Variants in ABI3BP observed in about 807,000 individuals in gnomAD.
ABI3BP encodes the protein ABI family member 3 binding protein.
ABI3BP carries 216 observed loss-of-function variants against 268.6 expected under a neutral mutation model. That is an observed-to-expected ratio of 0.80 (90% confidence interval 0.72 to 0.90). The LOEUF (loss-of-function observed/expected upper bound fraction) is 0.90. Ranked by LOEUF, ABI3BP falls within the 40% of genes least tolerant of loss-of-function variation. The pLI is 0.00. For missense variants in ABI3BP, 2,090 were observed against 2,182.4 expected, an observed-to-expected ratio of 0.96 and a Z score of 0.84; for synonymous variants, 730 against 730.0, an observed-to-expected ratio of 1.00 and a Z score of 0.00.
intron 4 of ABI3BP, among the ~76,000 whole-genome samples, chr3:100,895,893 C>T (rs1384432466): frequency 6.6e-6 from 1 of 152,130 alleles, no homozygotes; most frequent in Non-Finnish European, 1.5e-5. Context: ...ACAGTATTTC[C>T]AGGCTTTTAA....
Position 100,750,113 on chromosome 3 carries a change from A to AG in ABI3BP, c.*381dup, listed in dbSNP as rs1445548050. On this transcript the variant is annotated 3_prime_UTR_variant, in exon 68 of 68. Transcript: ENST00000471714. ...ATGGAATTAACTCATCAATAGGAAG[A>AG]GTACACATCAATAAAAGTAAATTTT... 1 of 227,176 alleles carries AG rather than the reference A, an allele frequency of 4.4e-6. No homozygotes were observed. Among genetic ancestry groups the AG allele is most frequent in the Non-Finnish European group, 8.4e-6 (1 of 118,592 alleles). The allele number at this position is 227,176 out of a possible 1,614,324, so 14.1% of individuals were successfully genotyped here.
rs144298303 is a variant in ABI3BP at position 100,839,086 on chromosome 3, C to T, written c.1945+483G>A. Among the ~76,000 whole-genome samples, 27 of 152,300 alleles carry T rather than the reference C, an allele frequency of 1.8e-4. No individual in the cohort carries two copies. The East Asian group carries it at 4.8e-3, about 27-fold the overall frequency. On this transcript the variant is annotated intron_variant, in intron 24 of 67. Transcript: ENST00000471714. Reference sequence around the variant, plus strand: ...GATCAAGAACGATCTTGGTTCCTCTCGCTATCCATACCTATTCAAAAACAT... The same window carrying T: ...GATCAAGAACGATCTTGGTTCCTCTTGCTATCCATACCTATTCAAAAACAT...
rs1366521136 is a variant in ABI3BP at position 100,834,789 on chromosome 3, T to C, written c.2192-16A>G. ...GTTTTTGGAGCTAAAGAAAGGAAAC[T>C]GGTTATTGTAGTCATATGACTCCAG... On this transcript the variant is annotated splice_polypyrimidine_tract_variant and intron_variant, in intron 28 of 67. Transcript: ENST00000471714. 3 of 1,534,858 alleles carry C rather than the reference T, an allele frequency of 2.0e-6. No homozygotes were observed. The highest frequency in any genetic ancestry group is 2.6e-6 in the Non-Finnish European group (3 of 1,145,858).
At chr3:100,839,705 T>C in intron 23 of ABI3BP, 89 bp from the exon 24 acceptor site, 1 of 1,319,206 alleles carries the variant, frequency 7.6e-7, no homozygotes, top group Non-Finnish European at 1.1e-6. Context: ...GGACACTACC[T>C]AAATGATGCA....
At chr3:100,837,015 G>T in intron 27 of ABI3BP, 109 bp downstream of exon 27, 1 of 1,128,084 alleles carries the variant, frequency 8.9e-7, no homozygotes, top group South Asian at 1.7e-5. Context: ...TTTTAAAAAT[G>T]AAAACAAAAA....
chr3:100,865,456 G>GCC (rs1176120935), intron 10 of ABI3BP, among the ~76,000 whole-genome samples: 1 of 152,142 alleles, frequency 6.6e-6, no homozygotes, highest in Non-Finnish European at 1.5e-5. Context: ...TAAATGCTCA[G>GCC]CCACAGATTT....
In ABI3BP at chr3:100,837,392, T is replaced by G. The variant is rs138970150; in HGVS notation, c.2084-221A>C. On this transcript the variant is annotated intron_variant, in intron 26 of 67. Coordinates refer to ENST00000471714, the MANE Select transcript of ABI3BP (RefSeq NM_001375547.2). ...GGAGAAAATTTCAACTGCAAAACAG[T>G]TGGATTCTGAGAACTGTTATATAAA... 1,311 of 445,428 alleles carry G rather than the reference T, an allele frequency of 2.9e-3. 20 individuals are homozygous for G. The highest frequency in any genetic ancestry group is 0.023 in the African/African-American group (1,138 of 48,984). The allele number at this position is 445,428 out of a possible 1,614,324, so 27.6% of individuals were successfully genotyped here.
chr3:100,901,164 C>T (rs1335226065), intron 3 of ABI3BP, among the ~76,000 whole-genome samples: 1 of 152,124 alleles, frequency 6.6e-6, no homozygotes, highest in Non-Finnish European at 1.5e-5. Context: ...ATTGGAATTT[C>T]CCTTTTGCTT....
chr3:100,811,672 G>A, intron 47 of ABI3BP, 56 bp downstream of exon 47: 1 of 1,472,326 alleles, frequency 6.8e-7, no homozygotes, highest in Non-Finnish European at 9.2e-7. Flanking sequence ...GGATGTAACT[G>A]ATGTTAATTT....
chr3:100,877,223 C>T (rs2099169267), intron 6 of ABI3BP, among the ~76,000 whole-genome samples: 1 of 152,178 alleles, frequency 6.6e-6, no homozygotes, highest in Non-Finnish European at 1.5e-5. Flanking sequence ...TACAGTCCCT[C>T]TCAAAAAGAT....
intron 63 of ABI3BP, among the ~76,000 whole-genome samples, chr3:100,759,646 T>C (rs747834475): frequency 1.3e-5 from 2 of 152,156 alleles, no homozygotes; most frequent in Non-Finnish European, 2.9e-5. Flanking sequence ...TGCCAAGCAA[T>C]AGCAAAGAAA....
intron 1 of ABI3BP, among the ~76,000 whole-genome samples, chr3:100,987,656 A>C (rs1408541629): frequency 6.6e-6 from 1 of 152,192 alleles, no homozygotes; most frequent in East Asian, 1.9e-4. Flanking sequence ...TTGATTATTA[A>C]GGATTATTAA....
intron 40 of ABI3BP, among the ~76,000 whole-genome samples, chr3:100,818,884 T>C (rs2098128172): frequency 6.6e-6 from 1 of 152,216 alleles, no homozygotes; most frequent in South Asian, 2.1e-4. Context: ...TTTTGCCAAA[T>C]ATATACTTAT....
chr3:100,954,999 T>C (rs74977581), intron 1 of ABI3BP, among the ~76,000 whole-genome samples: 10 of 4,580 alleles, frequency 2.2e-3, no homozygotes, highest in East Asian at 4.2e-3. Flanking sequence ...TTTTTTTTTT[T>C]TACGAATCAT....
intron 47 of ABI3BP, 112 bp from the exon 48 acceptor site, chr3:100,811,389 C>G: frequency 1.3e-6 from 1 of 781,196 alleles, no homozygotes; most frequent in South Asian, 2.0e-5. Flanking sequence ...ACAGACAGGA[C>G]AATGGATTTA....
chr3:100,894,882 T>A (rs1441980100), intron 4 of ABI3BP, among the ~76,000 whole-genome samples: 1 of 127,266 alleles, frequency 7.9e-6, no homozygotes, highest in Non-Finnish European at 1.5e-5. Flanking sequence ...GAGCTTACAG[T>A]GAGCCGAGAT....
chr3:100,899,441 A>G (rs1428525189), intron 3 of ABI3BP, among the ~76,000 whole-genome samples: 3 of 152,208 alleles, frequency 2.0e-5, no homozygotes, highest in African/African-American at 7.2e-5. Context: ...GTAAGTATAT[A>G]TTTTACAATG....
intron 2 of ABI3BP, among the ~76,000 whole-genome samples, chr3:100,908,783 C>T (rs2054796574): frequency 6.6e-6 from 1 of 152,104 alleles, no homozygotes. Context: ...GAAAAACATT[C>T]CATGCTCATG....
chr3:100,832,147 G>A (rs1450055945), intron 31 of ABI3BP, 117 bp downstream of exon 31: 2 of 940,396 alleles, frequency 2.1e-6, no homozygotes, highest in African/African-American at 3.3e-5. Context: ...CTAACCAGTA[G>A]CTTTTACTCT....
Sources: allele counts gnomAD v4.1 joint callset (sites outside exome capture counted in the v4.1 genomes callset), GRCh38; gene constraint gnomAD v4.1.1; transcripts MANE v1.5; gene names NCBI Gene and HGNC (gene_info 2026-07-23, HGNC 2026-07-21).